FAT4: variants seen among roughly 807,000 people sequenced by gnomAD.
The protein encoded by FAT4 is protocadherin Fat 4.
A neutral mutation model predicts 303.9 loss-of-function variants in FAT4; 84 were observed. That is an observed-to-expected ratio of 0.28 (90% CI 0.23 to 0.33). The LOEUF (loss-of-function observed/expected upper bound fraction) is 0.33, where lower values mean the gene tolerates loss of function less well. Ranked by LOEUF, FAT4 falls within the 10% of genes least tolerant of loss-of-function variation. The pLI is 1.00. For missense variants in FAT4, 6,005 were observed against 6,146.8 expected (o/e 0.98, Z 0.77); for synonymous variants, 2,307 against 2,298.8 (o/e 1.00, Z -0.10).
At chr4:125,446,779 TTTC>T (rs985581735) in intron 9 of FAT4, among the ~76,000 whole-genome samples, 6 of 151,982 alleles carry the variant, frequency 3.9e-5, no homozygotes, top group African/African-American at 1.4e-4. Flanking sequence ...TGTATTATTA[TTTC>T]TTAATATTAC....
intron 7 of FAT4, among the ~76,000 whole-genome samples, chr4:125,429,996 C>T (rs1294847522): frequency 6.6e-6 from 1 of 152,124 alleles, no homozygotes; most frequent in Non-Finnish European, 1.5e-5. Context: ...TTACATCACA[C>T]ACCGGGTTCT....
In FAT4 at chr4:125,320,925, T is replaced by A. The variant is rs1270861771; in HGVS notation, c.4514T>A (p.Ile1505Lys). The change falls in exon 2 of 18, where the codon ATA becomes AAA. Residue 1505 changes from isoleucine (I) to lysine (K), a missense_variant. Transcript: ENST00000394329. The stretch of plus-strand genomic sequence containing the variant: ...AAAGCCAATGATCAAGCTGTGCCAA[T>A]AGAAACTAGACGGTATGCTTTGAAG... ...TVKANDQAVP[I>K]ETRRYALKNV... The A allele has an allele frequency of 6.2e-7, 1 of 1,614,072 alleles. No homozygotes were observed. Among genetic ancestry groups the A allele is most frequent in the African/African-American group, 1.3e-5 (1 of 74,920 alleles).
At chr4:125,424,528 T>C (rs1382720927) in intron 7 of FAT4, among the ~76,000 whole-genome samples, 1 of 152,200 alleles carries the variant, frequency 6.6e-6, no homozygotes, top group Non-Finnish European at 1.5e-5. Context: ...TATGGCCTTA[T>C]AGCAGTGTGA....
Position 125,370,375 on chromosome 4 carries a change from C to G in FAT4, c.5176-28409C>G, listed in dbSNP as rs144672093. On this transcript the variant is annotated intron_variant, in intron 2 of 17. Transcript: ENST00000394329. ...GTGAGATTGTGATACATATGACAAA[C>G]TGCTTATTAAACTGTACAGCACCTA... Among the ~76,000 whole-genome samples the G allele has an allele frequency of 1.3e-3, 196 of 152,218 alleles. 2 individuals carry two copies. The highest frequency in any genetic ancestry group is 4.4e-3 in the African/African-American group (181 of 41,524).
chr4:125,486,676 C>G lies in FAT4; in HGVS notation c.12823-669C>G, dbSNP rs542995966. Among the ~76,000 whole-genome samples the G allele has an allele frequency of 9.2e-5, 14 of 152,234 alleles. No homozygotes were observed. In the South Asian group the frequency reaches 2.7e-3, roughly 29 times the overall value. On this transcript the variant is annotated intron_variant, in intron 16 of 17. Coordinates refer to ENST00000394329, the MANE Select transcript of FAT4 (RefSeq NM_001291303.3). ...GGAGCACCCTGTTACCCAATGTTCTCCTGGACAAAATAAAATAAACCAAAT... is the reference window on the plus strand; with the variant it reads ...GGAGCACCCTGTTACCCAATGTTCTGCTGGACAAAATAAAATAAACCAAAT...
In FAT4 at chr4:125,467,218, TCAAAATAGCTAG is replaced by T. The variant is rs539512336; in HGVS notation, c.11906-1293_11906-1282del. Among the ~76,000 whole-genome samples, 100 of 152,322 alleles carry T rather than the reference TCAAAATAGCTAG, an allele frequency of 6.6e-4. 1 individual carries two copies. The East Asian group carries it at 0.018, about 28-fold the overall frequency. ...AATGTTCTGATATAACATGTGGTAGTCAAAATAGCTAGACAATCAGTAGATCTGGCCTCAAAT... is the reference window on the plus strand; with the variant it reads ...AATGTTCTGATATAACATGTGGTAGTACAATCAGTAGATCTGGCCTCAAAT... On this transcript the variant is annotated intron_variant, in intron 11 of 17. Transcript: ENST00000394329.
chr4:125,458,145 G>A (rs1271889546), intron 10 of FAT4, among the ~76,000 whole-genome samples: 1 of 152,046 alleles, frequency 6.6e-6, no homozygotes, highest in African/African-American at 2.4e-5. Flanking sequence ...ATGCATTTCA[G>A]GTGTAGTATT....
At chr4:125,391,122 G>T (rs2126006673) in intron 2 of FAT4, among the ~76,000 whole-genome samples, 1 of 152,218 alleles carries the variant, frequency 6.6e-6, no homozygotes, top group East Asian at 1.9e-4. Flanking sequence ...ATTCCTCAAG[G>T]ATCTAGAATC....
chr4:125,457,439 A>G (rs775925026), intron 10 of FAT4, among the ~76,000 whole-genome samples: 1 of 152,162 alleles, frequency 6.6e-6, no homozygotes, highest in Admixed American at 6.6e-5. Flanking sequence ...AACCATGCAC[A>G]TAAGTATAAA....
At chr4:125,401,208 T>C (rs1734375864) in intron 3 of FAT4, among the ~76,000 whole-genome samples, 1 of 152,078 alleles carries the variant, frequency 6.6e-6, no homozygotes, top group Non-Finnish European at 1.5e-5. Context: ...ACTATAACTC[T>C]TGACACGAGG....
At chr4:125,323,161 T>C (rs905107398) in intron 2 of FAT4, among the ~76,000 whole-genome samples, 1 of 152,224 alleles carries the variant, frequency 6.6e-6, no homozygotes, top group African/African-American at 2.4e-5. Flanking sequence ...GATGAATTTG[T>C]TAAACTGTAA....
intron 11 of FAT4, among the ~76,000 whole-genome samples, chr4:125,464,601 G>T (rs534816859): frequency 4.0e-5 from 6 of 151,812 alleles, no homozygotes; most frequent in Non-Finnish European, 8.8e-5. Flanking sequence ...CATGTGCCAT[G>T]TTGGTTTGCT....
intron 7 of FAT4, 33 bp from the exon 8 acceptor site, chr4:125,434,211 TA>T (rs1376637522): frequency 1.9e-6 from 3 of 1,586,318 alleles, no homozygotes; most frequent in Non-Finnish European, 2.6e-6. Flanking sequence ...TTTTTGTTTA[TA>T]AACATTGAGA....
At chr4:125,335,144 A>G (rs1367530720) in intron 2 of FAT4, among the ~76,000 whole-genome samples, 1 of 152,164 alleles carries the variant, frequency 6.6e-6, no homozygotes, top group East Asian at 1.9e-4. Flanking sequence ...AAGCTTGCCA[A>G]AAACATGGGT....
chr4:125,391,863 T>C (rs866792901), intron 2 of FAT4, among the ~76,000 whole-genome samples: 1 of 152,194 alleles, frequency 6.6e-6, no homozygotes, highest in Non-Finnish European at 1.5e-5. Flanking sequence ...AGAATGCCTA[T>C]GTTATTATTA....
chr4:125,336,338 G>T, intron 2 of FAT4, among the ~76,000 whole-genome samples: 1 of 152,054 alleles, frequency 6.6e-6, no homozygotes, highest in South Asian at 2.1e-4. Context: ...GTAAACTACA[G>T]AATTTTTAAA....
At chr4:125,372,450 C>T (rs1733156311) in intron 2 of FAT4, among the ~76,000 whole-genome samples, 1 of 151,186 alleles carries the variant, frequency 6.6e-6, no homozygotes, top group African/African-American at 2.4e-5. Context: ...TCATGACTTG[C>T]AAGTATAAAT....
At position 125,320,369 on chromosome 4, in the gene FAT4, C is replaced by A. The variant is rs551446826; in HGVS notation, c.3958C>A (p.Leu1320Ile). 107 of 1,613,870 alleles carry A rather than the reference C, an allele frequency of 6.6e-5. No homozygotes were observed. The South Asian group carries it at 1.1e-3, about 17-fold the overall frequency. ...TACCCCTTCTTTCCCTAAATCAACACTCTTTGTTGATGTTTTGGAAAACAT... is the reference window on the plus strand; with the variant it reads ...TACCCCTTCTTTCCCTAAATCAACAATCTTTGTTGATGTTTTGGAAAACAT... ...DNTPSFPKST[L>I]FVDVLENMRI... is the part of the protein sequence containing the mutation. Residue 1320 changes from leucine (L) to isoleucine (I), a missense_variant, in exon 2 of 18, where the codon CTC becomes ATC. Coordinates refer to ENST00000394329, the MANE Select transcript of FAT4 (RefSeq NM_001291303.3).
At chr4:125,382,677 A>T (rs182119268) in intron 2 of FAT4, among the ~76,000 whole-genome samples, 1 of 152,320 alleles carries the variant, frequency 6.6e-6, no homozygotes, top group African/African-American at 2.4e-5. Context: ...CAAGAAACTC[A>T]ACCTGTCCTT....
Sources: gnomAD v4.1 joint callset for allele counts (sites outside exome capture counted in the v4.1 genomes callset) on GRCh38, gnomAD v4.1.1 for gene constraint, MANE v1.5 for transcripts, NCBI Gene and HGNC (gene_info 2026-07-23, HGNC 2026-07-21) for gene names.